Variants in FAM120A observed in about 807,000 individuals in gnomAD.
The protein encoded by FAM120A is constitutive coactivator of PPAR-gamma-like protein 1.
Under a neutral mutation model 109.7 loss-of-function variants are expected in FAM120A, and 15 were observed. The ratio of observed to expected loss-of-function variants is 0.14; its 90% confidence interval spans 0.09 to 0.21. The LOEUF is 0.21. Ranked by LOEUF, FAM120A falls within the 10% of genes least tolerant of loss-of-function variation. The pLI is 1.00. For missense variants in FAM120A, 899 were observed against 1,439.3 expected (o/e 0.62, Z 6.07); for synonymous variants, 493 against 572.8 (o/e 0.86, Z 1.99).
At chr9:93,525,826 G>A (rs927856503) in intron 7 of FAM120A, among the ~76,000 whole-genome samples, 1 of 152,216 alleles carries the variant, frequency 6.6e-6, no homozygotes, top group Non-Finnish European at 1.5e-5. Context: ...TTGTGCATGA[G>A]CAGTGGTTTC....
chr9:93,523,125 G>A (rs1040557952), intron 7 of FAM120A, among the ~76,000 whole-genome samples: 1 of 152,160 alleles, frequency 6.6e-6, no homozygotes, highest in Non-Finnish European at 1.5e-5. Context: ...TTAACTCTTA[G>A]TATGCTAGAA....
chr9:93,554,782 A>G (rs1388714161), intron 12 of FAM120A, among the ~76,000 whole-genome samples: 1 of 152,236 alleles, frequency 6.6e-6, no homozygotes, highest in Non-Finnish European at 1.5e-5. Context: ...ACAACTTTAG[A>G]GCAGCATTTT....
intron 7 of FAM120A, among the ~76,000 whole-genome samples, chr9:93,524,678 G>A (rs1049366069): frequency 6.6e-6 from 1 of 152,178 alleles, no homozygotes; most frequent in Admixed American, 6.5e-5. Flanking sequence ...CCAATAGTTT[G>A]AAATAAGGGT....
At chr9:93,511,616 T>G (rs1375280696) in intron 5 of FAM120A, among the ~76,000 whole-genome samples, 1 of 152,274 alleles carries the variant, frequency 6.6e-6, no homozygotes, top group Non-Finnish European at 1.5e-5. Flanking sequence ...TATTGAGATT[T>G]AGTAAACATG....
At chr9:93,541,075 G>C (rs1246557511) in intron 10 of FAM120A, among the ~76,000 whole-genome samples, 4 of 28,978 alleles carry the variant, frequency 1.4e-4, no homozygotes, top group Non-Finnish European at 2.5e-4. Context: ...GTATGTGTGT[G>C]GTGGGGGGTG....
At chr9:93,521,934 G>T (rs1253172525) in intron 7 of FAM120A, among the ~76,000 whole-genome samples, 1 of 152,150 alleles carries the variant, frequency 6.6e-6, no homozygotes, top group East Asian at 1.9e-4. Flanking sequence ...ACAAAAATTA[G>T]CTGGACGTGG....
At chr9:93,483,778 G>A (rs1588821334) in intron 3 of FAM120A, among the ~76,000 whole-genome samples, 1 of 152,156 alleles carries the variant, frequency 6.6e-6, no homozygotes, top group Admixed American at 6.6e-5. Context: ...CAGATTCATT[G>A]TACTGGATTT....
At chr9:93,492,182 A>G (rs4744246) in intron 3 of FAM120A, among the ~76,000 whole-genome samples, 42,202 of 147,626 alleles carry the variant, frequency 0.29, 6,565 homozygotes, top group East Asian at 0.4. Flanking sequence ...GTGTGTGTGT[A>G]TATATATATA....
intron 11 of FAM120A, among the ~76,000 whole-genome samples, chr9:93,549,458 G>T (rs929536572): frequency 6.6e-6 from 1 of 152,090 alleles, no homozygotes; most frequent in Admixed American, 6.6e-5. Context: ...TTCTACTTTG[G>T]GCTTCAACTG....
At chr9:93,534,153 T>C (rs114698902) in intron 10 of FAM120A, among the ~76,000 whole-genome samples, 3,615 of 152,228 alleles carry the variant, frequency 0.024, 156 homozygotes, top group African/African-American at 0.082. Context: ...TGTCTTGGTC[T>C]AGGTTGGGAG....
At chr9:93,463,753 T>C (rs1212597450) in intron 1 of FAM120A, among the ~76,000 whole-genome samples, 1 of 152,208 alleles carries the variant, frequency 6.6e-6, no homozygotes, top group Non-Finnish European at 1.5e-5. Flanking sequence ...CATTGTTCCC[T>C]GAACTGGTGT....
At chr9:93,465,818 C>G (rs572907500) in intron 1 of FAM120A, among the ~76,000 whole-genome samples, 2 of 152,182 alleles carry the variant, frequency 1.3e-5, no homozygotes, top group African/African-American at 4.8e-5. Context: ...GTCAGGACCT[C>G]TAGTGTCCTC....
At chr9:93,471,590 T>C (rs1311992573) in intron 2 of FAM120A, among the ~76,000 whole-genome samples, 2 of 152,238 alleles carry the variant, frequency 1.3e-5, no homozygotes, top group African/African-American at 2.4e-5. Flanking sequence ...TAAGTGTTTG[T>C]TGAGGTATTG....
In FAM120A at chr9:93,452,754, A is replaced by G. The variant is rs373507744; in HGVS notation, c.474+365A>G. ...CTATCACTCACCTTCAACTTTGACA[A>G]AATACTCCCTTTTCTAATTTAGCCT... On this transcript the variant is annotated intron_variant, in intron 1 of 17. Coordinates refer to ENST00000277165, the MANE Select transcript of FAM120A (RefSeq NM_014612.5). This position sits in a 1 kb window ranked among gnomAD's most constrained non-coding sequence, Gnocchi z 7.0. 6.3e-7 allele frequency: 1 copy of G among 1,596,976 alleles called. No individual in the cohort carries two copies. Among genetic ancestry groups the G allele is most frequent in the African/African-American group, 1.3e-5 (1 of 74,808 alleles).
intron 7 of FAM120A, among the ~76,000 whole-genome samples, chr9:93,525,848 T>A (rs143012595): frequency 5.4e-4 from 82 of 152,354 alleles, no homozygotes; most frequent in African/African-American, 1.9e-3. Context: ...CCAAGCTCCA[T>A]GAAGACCGGG....
intron 13 of FAM120A, 151 bp from the exon 14 acceptor site, chr9:93,557,676 C>T (rs992272930): frequency 1.5e-5 from 12 of 780,938 alleles, no homozygotes; most frequent in South Asian, 3.8e-5. Flanking sequence ...TACAAATAAA[C>T]GTTAGCAAGT....
intron 10 of FAM120A, among the ~76,000 whole-genome samples, chr9:93,538,965 T>C (rs1417920223): frequency 3.3e-5 from 5 of 151,966 alleles, no homozygotes. Flanking sequence ...AAATGCGTTA[T>C]AAATTTAGCC....
chr9:93,561,301 T>G, intron 16 of FAM120A, 51 bp downstream of exon 16: 1 of 1,527,816 alleles, frequency 6.5e-7, no homozygotes, highest in Non-Finnish European at 8.7e-7. Flanking sequence ...GAAAACAGCT[T>G]CTAACTTGCT....
chr9:93,563,435 C>T (rs1038486258), intron 17 of FAM120A, among the ~76,000 whole-genome samples: 6 of 152,188 alleles, frequency 3.9e-5, no homozygotes, highest in South Asian at 4.1e-4. Flanking sequence ...TTGGTGTGGG[C>T]ACTGGATTTT....
Sources: allele counts gnomAD v4.1 joint callset (sites outside exome capture counted in the v4.1 genomes callset), GRCh38; gene constraint gnomAD v4.1.1; non-coding constraint Gnocchi (gnomAD v3.1); transcripts MANE v1.5; gene names NCBI Gene and HGNC (gene_info 2026-07-23, HGNC 2026-07-21).